PUDP: variants seen among roughly 807,000 people sequenced by gnomAD.
PUDP encodes the protein pseudouridine 5'-phosphatase.
A neutral mutation model predicts 9.4 loss-of-function variants in PUDP; 8 were observed. The ratio of observed to expected loss-of-function variants is 0.85; its 90% CI spans 0.50 to 1.53. PUDP has a LOEUF of 1.53. PUDP is among the 40% of genes most tolerant of loss of function. The pLI is 0.00. For synonymous variants in PUDP, 99 were observed against 80.7 expected, an observed-to-expected ratio of 1.23 and a Z score of -1.22; for missense variants, 188 against 189.7, an observed-to-expected ratio of 0.99 and a Z score of 0.05.
At chrX:7,120,868 A>T (rs1419405975) in intron 1 of PUDP, among the ~76,000 whole-genome samples, 1 of 112,365 alleles carries the variant, frequency 8.9e-6, no homozygotes, top group Non-Finnish European at 1.9e-5. Context: ...ATTATGCTCA[A>T]TGAGAGAAGC....
intron 1 of PUDP, among the ~76,000 whole-genome samples, chrX:7,119,519 A>G (rs1932283947): frequency 8.9e-6 from 1 of 112,584 alleles, no homozygotes; most frequent in South Asian, 3.7e-4. Context: ...GCTTAGAAAA[A>G]AGTATTTAAG....
At chrX:7,135,267 GT>G (rs1292107771) in intron 1 of PUDP, among the ~76,000 whole-genome samples, 3 of 112,235 alleles carry the variant, frequency 2.7e-5, no homozygotes, top group African/African-American at 9.7e-5. Context: ...AGCATTTTCT[GT>G]CATGTCTCAT....
At chrX:6,760,689 C>A (rs1225503826) in intron 3 of PUDP, among the ~76,000 whole-genome samples, 2 of 112,201 alleles carry the variant, frequency 1.8e-5, no homozygotes, top group Non-Finnish European at 3.8e-5. Context: ...ACTTCATGGA[C>A]AAAATGACAT....
chrX:6,751,090 C>G (rs1271189459), intron 3 of PUDP, among the ~76,000 whole-genome samples: 1 of 107,547 alleles, frequency 9.3e-6, no homozygotes, highest in East Asian at 2.9e-4. Context: ...TGCAGTGAGC[C>G]AAGATTGTGC....
chrX:6,758,188 G>A (rs981912502), intron 3 of PUDP, among the ~76,000 whole-genome samples: 1 of 112,223 alleles, frequency 8.9e-6, no homozygotes, highest in Non-Finnish European at 1.9e-5. Context: ...TAGGCTGGGT[G>A]CAGTGGCTCA....
At chrX:6,968,310 C>A (rs1454946842) in intron 3 of PUDP, among the ~76,000 whole-genome samples, 1 of 112,175 alleles carries the variant, frequency 8.9e-6, no homozygotes, top group African/African-American at 3.2e-5. Flanking sequence ...ATGCAAAATT[C>A]TATTTCTATC....
At chrX:7,092,367 T>A (rs1382259080) in intron 2 of PUDP, among the ~76,000 whole-genome samples, 11 of 112,948 alleles carry the variant, frequency 9.7e-5, no homozygotes, top group African/African-American at 3.5e-4. Context: ...TACTTTAAGT[T>A]ATAGTAATCC....
chrX:6,868,474 C>G (rs1927123183), intron 3 of PUDP, among the ~76,000 whole-genome samples: 2 of 112,153 alleles, frequency 1.8e-5, no homozygotes, highest in Admixed American at 1.9e-4. Context: ...CTCCTATAAT[C>G]TCATTTTCTC....
intron 1 of PUDP, among the ~76,000 whole-genome samples, chrX:7,145,047 C>T (rs143722893): frequency 1.6e-3 from 182 of 111,361 alleles, no homozygotes; most frequent in African/African-American, 5.6e-3. Context: ...AGCCAGTAGC[C>T]ACCCACCAAA....
chrX:7,050,205 G>A lies in PUDP; in HGVS notation c.*91C>T. On this transcript the variant is annotated 3_prime_UTR_variant, in exon 4 of 4. Transcript: ENST00000381077. ...GGAGGCTAAAATCACAGCGCAGGTT[G>A]GGATTGAAGAGTTGCTGATTTCCTT... is the stretch of plus-strand genomic sequence containing the variant. The A allele has an allele frequency of 2.3e-6, 2 of 885,430 alleles. No homozygotes were observed. Among genetic ancestry groups the A allele is most frequent in the Middle Eastern group, 4.2e-4 (1 of 2,403 alleles). The allele number at this position is 885,430 out of a possible 1,213,427, so 73.0% of individuals were successfully genotyped here.
chrX:6,751,151 A>G (rs74365066), intron 3 of PUDP, among the ~76,000 whole-genome samples: 4 of 110,080 alleles, frequency 3.6e-5, no homozygotes. Context: ...AAAAAAAAGG[A>G]AAGAAAGAAA....
At chrX:6,908,095 C>T (rs1927795339) in intron 3 of PUDP, among the ~76,000 whole-genome samples, 1 of 112,290 alleles carries the variant, frequency 8.9e-6, no homozygotes, top group Non-Finnish European at 1.9e-5. Flanking sequence ...CAGGGCCACC[C>T]AGTACAATAC....
intron 1 of PUDP, among the ~76,000 whole-genome samples, chrX:6,998,561 A>G (rs1415669252): frequency 8.9e-6 from 1 of 111,749 alleles, no homozygotes; most frequent in Non-Finnish European, 1.9e-5. Context: ...ACAACCTCAT[A>G]TAACTTCCAA....
chrX:6,764,866 A>C (rs1027649578), intron 3 of PUDP, among the ~76,000 whole-genome samples: 1 of 111,841 alleles, frequency 8.9e-6, no homozygotes, highest in Non-Finnish European at 1.9e-5. Context: ...AATTTTAATA[A>C]ATGGCTAAAT....
At chrX:6,717,841 T>C (rs1354927889) in intron 1 of PUDP, among the ~76,000 whole-genome samples, 1 of 112,184 alleles carries the variant, frequency 8.9e-6, no homozygotes, top group African/African-American at 3.2e-5. Flanking sequence ...TTCCCTCTTC[T>C]CTGCATCCTC....
intron 2 of PUDP, among the ~76,000 whole-genome samples, chrX:7,096,393 G>C (rs1270760989): frequency 9.0e-6 from 1 of 111,441 alleles, no homozygotes; most frequent in Non-Finnish European, 1.9e-5. Flanking sequence ...CATAAGACAA[G>C]GGGTGAAATG....
chrX:7,110,649 A>C (rs1932019204), intron 1 of PUDP, among the ~76,000 whole-genome samples: 1 of 111,398 alleles, frequency 9.0e-6, no homozygotes, highest in South Asian at 3.8e-4. Context: ...GTACAGGCAG[A>C]CTGAGTCCGA....
chrX:7,020,853 C>T lies in PUDP; in HGVS notation c.205-42510G>A, dbSNP rs145289260. On this transcript the variant is annotated intron_variant and NMD_transcript_variant, in intron 1 of 3. Transcript: ENST00000655425. ...TGTGTGGGTGATCCCAGTGTCTGAA[C>T]CCAGCCCAGAGTTGGCTAGCTCATG... 9.8e-3 allele frequency among the ~76,000 whole-genome samples: 1,111 copies of T among 112,904 alleles called. 6 individuals carry two copies. The highest frequency in any genetic ancestry group is 0.023 in the Middle Eastern group (5 of 216).
chrX:7,120,883 T>C (rs759341599), intron 1 of PUDP, among the ~76,000 whole-genome samples: 15 of 112,050 alleles, frequency 1.3e-4, no homozygotes, highest in Non-Finnish European at 2.1e-4. Context: ...AGAAGCCAGA[T>C]TAAAAAAAGA....
Sources: gnomAD v4.1 joint callset for allele counts (sites outside exome capture counted in the v4.1 genomes callset) on GRCh38, gnomAD v4.1.1 for gene constraint, MANE v1.5 for transcripts, NCBI Gene and HGNC (gene_info 2026-07-23, HGNC 2026-07-21) for gene names.